The following FRMD4B variants were observed in gnomAD, a reference collection of about 807,000 sequenced individuals.
FRMD4B encodes the protein FERM domain containing 4B.
Under a neutral mutation model 141.5 loss-of-function variants are expected in FRMD4B, and 74 were observed. The ratio of observed to expected loss-of-function variants is 0.52; its 90% CI spans 0.43 to 0.63. FRMD4B has a LOEUF of 0.63. Among genes scored for constraint, FRMD4B ranks in the 30% least tolerant of loss-of-function variants. The pLI, the probability that FRMD4B is intolerant of heterozygous loss-of-function variation, is 0.00. For synonymous variants in FRMD4B, 506 were observed against 467.9 expected, an observed-to-expected ratio of 1.08 and a Z score of -1.05; for missense variants, 1,366 against 1,253.4, an observed-to-expected ratio of 1.09 and a Z score of -1.36.
rs1700739678 is a variant in FRMD4B, at chr3:69,287,793, C to CGGTG, written c.456_459dup (p.Val154HisfsTer43). On this transcript the variant is annotated frameshift_variant, in exon 5 of 23. Coordinates refer to ENST00000398540, the MANE Select transcript of FRMD4B (RefSeq NM_015123.3). LOFTEE classifies it high-confidence loss of function. ...TTTGCATTCAGGAAAAACAGCTCCA[C>CGGTG]GGTGGTTTTATCCTTTAAAAACGAT... is the stretch of plus-strand genomic sequence containing the variant. 6.2e-7 allele frequency: 1 copy of CGGTG among 1,604,890 alleles called. No individual in the cohort carries two copies. The highest frequency in any genetic ancestry group is 8.5e-7 in the Non-Finnish European group (1 of 1,173,116).
chr3:69,440,642 TA>T (rs1053566764), intron 1 of FRMD4B, among the ~76,000 whole-genome samples: 1 of 151,722 alleles, frequency 6.6e-6, no homozygotes, highest in Non-Finnish European at 1.5e-5. Context: ...CCATCTCTAC[TA>T]AAAAAAATAC....
At chr3:69,361,195 G>C (rs552378188) in intron 1 of FRMD4B, among the ~76,000 whole-genome samples, 1 of 151,838 alleles carries the variant, frequency 6.6e-6, no homozygotes, top group African/African-American at 2.4e-5. Flanking sequence ...TTCAGATTGG[G>C]CCATTTTGGT....
At chr3:69,295,086 C>T (rs1328641343) in intron 4 of FRMD4B, among the ~76,000 whole-genome samples, 1 of 152,158 alleles carries the variant, frequency 6.6e-6, no homozygotes, top group Admixed American at 6.5e-5. Flanking sequence ...TATATAGGGT[C>T]TACATTAGCT....
chr3:69,420,053 C>T (rs1704944113), intron 2 of FRMD4B, among the ~76,000 whole-genome samples: 1 of 152,124 alleles, frequency 6.6e-6, no homozygotes, highest in South Asian at 2.1e-4. Context: ...GACAGGGTTT[C>T]ACCATGTTGG....
intron 1 of FRMD4B, among the ~76,000 whole-genome samples, chr3:69,324,425 G>A (rs1291679495): frequency 6.6e-6 from 1 of 152,222 alleles, no homozygotes; most frequent in African/African-American, 2.4e-5. Context: ...GACTGAAAGG[G>A]CATTATCTCT....
At chr3:69,173,117 G>A (rs781384884) in intron 22 of FRMD4B, among the ~76,000 whole-genome samples, 18 of 152,186 alleles carry the variant, frequency 1.2e-4, no homozygotes, top group Admixed American at 9.2e-4. Flanking sequence ...CTTGGGGATA[G>A]AAGCCCTTGG....
intron 2 of FRMD4B, among the ~76,000 whole-genome samples, chr3:69,405,795 G>A (rs141608605): frequency 1.2e-4 from 19 of 152,224 alleles, no homozygotes; most frequent in Middle Eastern, 3.4e-3. Context: ...CTGCTTTCTG[G>A]TCTGCAGAAA....
At chr3:69,390,438 G>A (rs1300518519), upstream of FRMD4B, among the ~76,000 whole-genome samples, 4 of 152,194 alleles carry the variant, frequency 2.6e-5, no homozygotes, top group South Asian at 2.1e-4. Flanking sequence ...GTCAGAAGAC[G>A]TTTTTGGTTG....
At chr3:69,426,599 G>A (rs372784779) in intron 2 of FRMD4B, among the ~76,000 whole-genome samples, 62 of 152,256 alleles carry the variant, frequency 4.1e-4, no homozygotes, top group African/African-American at 1.5e-3. Context: ...CATATTAACT[G>A]CATAGTTGCT....
chr3:69,283,305 GC>G (rs2093652494), intron 5 of FRMD4B, among the ~76,000 whole-genome samples: 1 of 151,802 alleles, frequency 6.6e-6, no homozygotes, highest in Non-Finnish European at 1.5e-5. Flanking sequence ...AATCGCTTGA[GC>G]CCAGGAGGCA....
intron 4 of FRMD4B, among the ~76,000 whole-genome samples, chr3:69,291,443 T>C (rs1700871230): frequency 1.3e-5 from 2 of 152,324 alleles, no homozygotes; most frequent in South Asian, 2.1e-4. Flanking sequence ...TAAGTAAAGC[T>C]GCACTGGCCT....
intron 1 of FRMD4B, among the ~76,000 whole-genome samples, chr3:69,357,976 T>C (rs1227141073): frequency 3.3e-5 from 5 of 152,210 alleles, no homozygotes; most frequent in African/African-American, 1.2e-4. Flanking sequence ...AAGTCAAATA[T>C]GAAAACACCA....
intron 7 of FRMD4B, among the ~76,000 whole-genome samples, chr3:69,233,489 A>C (rs966775184): frequency 2.0e-5 from 3 of 152,038 alleles, no homozygotes; most frequent in Admixed American, 2.0e-4. Flanking sequence ...TCTCAAAAAA[A>C]AAAAAAAAAA....
intron 14 of FRMD4B, among the ~76,000 whole-genome samples, chr3:69,195,783 G>C (rs1164214046): frequency 6.6e-6 from 1 of 152,174 alleles, no homozygotes; most frequent in African/African-American, 2.4e-5. Context: ...AGTTGACAGT[G>C]AGATTTAGAT....
intron 1 of FRMD4B, among the ~76,000 whole-genome samples, chr3:69,454,843 C>T (rs914562020): frequency 5.3e-5 from 8 of 152,224 alleles, no homozygotes; most frequent in African/African-American, 1.4e-4. Context: ...CGGGCACCTC[C>T]GCCCGTGGCC....
chr3:69,500,724 G>A (rs1012273865), intron 1 of FRMD4B, among the ~76,000 whole-genome samples: 3 of 151,474 alleles, frequency 2.0e-5, no homozygotes, highest in African/African-American at 7.3e-5. Context: ...GTCACACAGA[G>A]GGAAGCAGTG....
At chr3:69,513,838 C>T (rs183571837) in intron 1 of FRMD4B, among the ~76,000 whole-genome samples, 4 of 152,052 alleles carry the variant, frequency 2.6e-5, no homozygotes, top group Non-Finnish European at 5.9e-5. Context: ...AGAAAAAGTA[C>T]ATGAAAAGAT....
At chr3:69,371,869 A>G (rs2107492094) in intron 1 of FRMD4B, among the ~76,000 whole-genome samples, 1 of 152,280 alleles carries the variant, frequency 6.6e-6, no homozygotes, top group Middle Eastern at 3.4e-3. Context: ...CTAGAATGTA[A>G]TAGGCCCTCA....
chr3:69,191,513 T>C (rs1228529807), intron 17 of FRMD4B, among the ~76,000 whole-genome samples: 1 of 151,768 alleles, frequency 6.6e-6, no homozygotes, highest in Non-Finnish European at 1.5e-5. Flanking sequence ...AATCATTCCA[T>C]ATTCACCTGA....
Sources: allele counts gnomAD v4.1 joint callset (sites outside exome capture counted in the v4.1 genomes callset), GRCh38; gene constraint gnomAD v4.1.1; transcripts MANE v1.5; gene names NCBI Gene and HGNC (gene_info 2026-07-23, HGNC 2026-07-21).